The following NOTCH3 variants were observed in gnomAD, a reference collection of about 807,000 sequenced individuals.
The protein encoded by NOTCH3 is neurogenic locus notch homolog protein 3.
In NOTCH3, 86 loss-of-function variants were observed where a neutral mutation model predicts 213.3. The ratio of observed to expected loss-of-function variants is 0.40; its 90% CI spans 0.34 to 0.48. The LOEUF is 0.48. NOTCH3 is among the 20% of genes least tolerant of loss of function. The probability of loss-of-function intolerance (pLI) is 0.57; values close to 1 mark genes in which losing one functional copy is unlikely to be tolerated. For missense variants in NOTCH3, 2,783 were observed against 3,272.6 expected (o/e 0.85, Z 3.65); for synonymous variants, 1,354 against 1,355.9 (o/e 1.00, Z 0.03).
intron 24 of NOTCH3, among the ~76,000 whole-genome samples, chr19:15,175,386 T>C (rs944045228): frequency 6.7e-6 from 1 of 148,552 alleles, no homozygotes; most frequent in Non-Finnish European, 1.5e-5. Flanking sequence ...ATACAAAAAT[T>C]AGTCAGGCAT....
At chr19:15,173,092 CTTCTTCTTCTTCTTTTTTTTTTTTTTTT>C (rs2046751481) in intron 25 of NOTCH3, among the ~76,000 whole-genome samples, 1 of 41,988 alleles carries the variant, frequency 2.4e-5, no homozygotes, top group African/African-American at 1.8e-4. Context: ...TCTTCTTCTT[CTTCTTCTTCTTCTTTTTTTTTTTTTTTT>C]TTTTTTTTAA....
chr19:15,189,020 G>A lies in NOTCH3; in HGVS notation c.1347C>T (p.Arg449=), dbSNP rs1272669585. 3.1e-6 allele frequency: 5 copies of A among 1,612,308 alleles called. No individual in the cohort carries two copies. The highest frequency in any genetic ancestry group is 4.2e-6 in the Non-Finnish European group (5 of 1,179,666). The part of the protein sequence containing the change: ...PCRNQATCLD[R]IGQFTCICMA... Reference sequence around the variant, plus strand: ...TACAGATACAGGTGAACTGGCCTATGCGGTCGAGGCACGTGGCCTGGTTTC... The same window carrying A: ...TACAGATACAGGTGAACTGGCCTATACGGTCGAGGCACGTGGCCTGGTTTC... Residue 449 remains arginine, a synonymous_variant, in exon 8 of 33, where the codon CGC becomes CGT. Coordinates refer to ENST00000263388, the MANE Select transcript of NOTCH3 (RefSeq NM_000435.3).
intron 10 of NOTCH3, 25 bp from the exon 11 acceptor site, chr19:15,187,363 C>G (rs2046891647): frequency 6.2e-7 from 1 of 1,602,772 alleles, no homozygotes; most frequent in Non-Finnish European, 8.5e-7. Flanking sequence ...GGGTCAGGCT[C>G]CGCCCACTTG....
At chr19:15,197,664 C>T (rs1012948815) in intron 1 of NOTCH3, 86 bp from the exon 2 acceptor site, 15 of 1,188,774 alleles carry the variant, frequency 1.3e-5, no homozygotes, top group Non-Finnish European at 1.8e-5. Context: ...CTCCCTCCAC[C>T]AGGCAACAGC....
At chr19:15,200,137 C>T (rs2047000464) in intron 1 of NOTCH3, among the ~76,000 whole-genome samples, 1 of 150,732 alleles carries the variant, frequency 6.6e-6, no homozygotes, top group African/African-American at 2.4e-5. Flanking sequence ...GGGCCCTCGC[C>T]CCTTCCCCTC....
At chr19:15,199,208 G>A (rs1414998567) in intron 1 of NOTCH3, among the ~76,000 whole-genome samples, 1 of 152,202 alleles carries the variant, frequency 6.6e-6, no homozygotes, top group Non-Finnish European at 1.5e-5. Flanking sequence ...TTGTGTCTCA[G>A]TTGCAGCTAC....
chr19:15,173,055 T>C (rs1482345202), intron 25 of NOTCH3, among the ~76,000 whole-genome samples: 76 of 1,140 alleles, frequency 0.067, 5 homozygotes, highest in African/African-American at 0.38. Flanking sequence ...CCCTCCTCCC[T>C]CTTCTTCTTC....
chr19:15,187,731 T>C (rs2046895186), intron 10 of NOTCH3, 150 bp downstream of exon 10: 11 of 710,336 alleles, frequency 1.5e-5, no homozygotes, highest in Non-Finnish European at 2.5e-5. Context: ...TGTCAGTCTA[T>C]ATGCATTATT....
Position 15,180,103 on chromosome 19 carries a change from C to T in NOTCH3, c.3296G>A (p.Cys1099Tyr), listed in dbSNP as rs1555727841. The T allele has an allele frequency of 6.2e-7, 1 of 1,612,464 alleles. No homozygotes were observed. ...LAQPCQHGGT[C>Y]RGYMGGYMCE... ...CATGTAGCCCCCCATATAGCCACGG[C>T]AGGTCCCCCCATGCTGGCAGGGCTG... is the stretch of plus-strand genomic sequence containing the variant. The change falls in exon 20 of 33, where the codon TGC becomes TAC. Residue 1099 changes from cysteine (C) to tyrosine (Y), a missense_variant. Transcript: ENST00000263388.
rs774359019 is a variant in NOTCH3, at chr19:15,179,368, C to A, written c.3456G>T (p.Thr1152=). 6.8e-6 allele frequency: 11 copies of A among 1,613,812 alleles called. No individual in the cohort carries two copies. The highest frequency in any genetic ancestry group is 8.5e-6 in the Non-Finnish European group (10 of 1,180,010). The change falls in exon 21 of 33, where the codon ACG becomes ACT. Residue 1152 remains threonine, a synonymous_variant. Transcript: ENST00000263388. ...CCAACCCTGGCCCTGGCATACCCAG[C>A]GTTCCTGGGGGACAGGAGCAGAGAT... ...ARYLCSCPPG[T]LGVLCEINED... is the part of the protein sequence containing the mutation.
At position 15,189,393 on chromosome 19, in the gene NOTCH3, TG is replaced by T. The variant is rs1274104820; in HGVS notation, c.1071del (p.Ser357ArgfsTer15). ...LLCHLDDACV[S>X]NPCHEDAICD... The stretch of plus-strand genomic sequence containing the variant: ...CAGATAGCATCCTCGTGGCAGGGGT[TG>T]CTGACACAGGCGTCATCCAGGTGAC... On this transcript the variant is annotated frameshift_variant, in exon 7 of 33. Coordinates refer to ENST00000263388, the MANE Select transcript of NOTCH3 (RefSeq NM_000435.3). LOFTEE classifies it high-confidence loss of function. 6.2e-7 allele frequency: 1 copy of T among 1,613,794 alleles called. No individual in the cohort carries two copies. The highest frequency in any genetic ancestry group is 8.5e-7 in the Non-Finnish European group (1 of 1,180,050).
Position 15,177,968 on chromosome 19 carries a change from C to T in NOTCH3, c.3960G>A (p.Ser1320=). ...CCGGGAAGCTGCGGCAGGAGGGTCC[C>T]GACAACCCTGGGGGGCAGGCGCAGC... ...GPRCACPPGL[S]GPSCRSFPGS... Residue 1320 remains serine, a synonymous_variant, in exon 24 of 33, where the codon TCG becomes TCA. Transcript: ENST00000263388. 2.2e-6 allele frequency: 3 copies of T among 1,364,826 alleles called. No individual in the cohort carries two copies. Among genetic ancestry groups the T allele is most frequent in the Non-Finnish European group, 1.9e-6 (2 of 1,060,018 alleles). The allele number at this position is 1,364,826 out of a possible 1,614,324, so 84.5% of individuals were successfully genotyped here. A position where few individuals can be genotyped will look rare whatever the true frequency, so the allele number is the denominator to read the frequency against.
At position 15,160,884 on chromosome 19, in the gene NOTCH3, G is replaced by A. The variant is rs576713273; in HGVS notation, c.6744C>T (p.Ser2248=). 15 of 1,613,408 alleles carry A rather than the reference G, an allele frequency of 9.3e-6. No homozygotes were observed. Among genetic ancestry groups the A allele is most frequent in the South Asian group, 3.3e-5 (3 of 91,050 alleles). ...TGGCCCAGTGCTCAGGGGATTCGGG[G>A]GATGGGGTCAGGTAAGGGTGCTCAC... is the stretch of plus-strand genomic sequence containing the variant. ...VPSEHPYLTP[S]PESPEHWASP... The change falls in exon 33 of 33, where the codon TCC becomes TCT. Residue 2248 remains serine, a synonymous_variant. Transcript: ENST00000263388.
intron 25 of NOTCH3, among the ~76,000 whole-genome samples, chr19:15,173,794 A>C (rs1345028816): frequency 1.4e-5 from 2 of 145,136 alleles, no homozygotes; most frequent in South Asian, 2.2e-4. Context: ...GAGAAGAAGA[A>C]GAAGAAGAAG....
Position 15,192,258 on chromosome 19 carries a change from A to G in NOTCH3, c.381T>C (p.Pro127=), listed in dbSNP as rs779558160. 3 of 1,600,986 alleles carry G rather than the reference A, an allele frequency of 1.9e-6. No individual in the cohort carries two copies. Among genetic ancestry groups the G allele is most frequent in the South Asian group, 2.2e-5 (2 of 89,562 alleles). ...CSLPDPCLSS[P]CAHGARCSVG... ...CTGAGCAGCGGGCACCGTGGGCACA[A>G]GGGCTGCTGAGGCAGGGATCTGGCA... The change falls in exon 4 of 33, where the codon CCT becomes CCC. Residue 127 remains proline, a synonymous_variant. Coordinates refer to ENST00000263388, the MANE Select transcript of NOTCH3 (RefSeq NM_000435.3).
chr19:15,169,229 T>TCTCTCTCTCTCC (rs1448075553), intron 28 of NOTCH3, among the ~76,000 whole-genome samples: 1 of 131,566 alleles, frequency 7.6e-6, no homozygotes, highest in Admixed American at 7.6e-5. Flanking sequence ...TCTCTCTCTC[T>TCTCTCTCTCTCC]CCCCTCTGTG....
intron 17 of NOTCH3, 58 bp from the exon 18 acceptor site, chr19:15,181,220 T>A: frequency 1.3e-6 from 2 of 1,482,514 alleles, no homozygotes; most frequent in Non-Finnish European, 9.3e-7. Flanking sequence ...GGCCCTGCCC[T>A]CCTTCCTGAG....
At position 15,160,570 on chromosome 19, in the gene NOTCH3, A is replaced by T; in HGVS notation, c.*92T>A. 9.3e-7 allele frequency: 1 copy of T among 1,070,570 alleles called. No homozygotes were observed. Among genetic ancestry groups the T allele is most frequent in the Non-Finnish European group, 1.5e-6 (1 of 685,206 alleles). The allele number at this position is 1,070,570 out of a possible 1,614,324, so 66.3% of individuals were successfully genotyped here. ...GGGTTGGTGGAAAGAGAAGAGGATG[A>T]AAAAGACTAAAAGGAAGGAAGAGAC... On this transcript the variant is annotated 3_prime_UTR_variant, in exon 33 of 33. Transcript: ENST00000263388.
chr19:15,181,683 G>T lies in NOTCH3; in HGVS notation c.2685C>A (p.Pro895=). 6.4e-7 allele frequency: 1 copy of T among 1,558,812 alleles called. No individual in the cohort carries two copies. Among genetic ancestry groups the T allele is most frequent in the Non-Finnish European group, 8.7e-7 (1 of 1,151,042 alleles). The change falls in exon 17 of 33, where the codon CCC becomes CCA. Residue 895 remains proline, a synonymous_variant. Transcript: ENST00000263388. ...GGTCGGTACAGGTGCCCGGGCCGCAGGGGTTGCTCAGGCACTCATCCACAT... is the reference window on the plus strand; with the variant it reads ...GGTCGGTACAGGTGCCCGGGCCGCATGGGTTGCTCAGGCACTCATCCACAT... ...ARDVDECLSN[P]CGPGTCTDHV...
Sources: allele counts gnomAD v4.1 joint callset (sites outside exome capture counted in the v4.1 genomes callset), GRCh38; gene constraint gnomAD v4.1.1; transcripts MANE v1.5; gene names NCBI Gene and HGNC (gene_info 2026-07-23, HGNC 2026-07-21).